The following METTL9 variants were observed in gnomAD, a reference collection of about 807,000 sequenced individuals.
METTL9 encodes methyltransferase 9, His-X-His N1(pi)-histidine, also known as protein-L-histidine N-pros-methyltransferase.
Under a neutral mutation model 36.0 loss-of-function variants are expected in METTL9, and 10 were observed. That is an observed-to-expected ratio of 0.28 (90% CI 0.17 to 0.47). The LOEUF is 0.47. Among genes scored for constraint, METTL9 ranks in the 20% least tolerant of loss-of-function variants. METTL9 has a pLI of 0.99. For missense variants in METTL9, 246 were observed against 383.5 expected, an observed-to-expected ratio of 0.64 and a Z score of 3.00; for synonymous variants, 175 against 149.7, an observed-to-expected ratio of 1.17 and a Z score of -1.23.
chr16:21,623,084 T>A (rs1195045136), intron 3 of METTL9, among the ~76,000 whole-genome samples: 1 of 152,196 alleles, frequency 6.6e-6, no homozygotes, highest in African/African-American at 2.4e-5. Context: ...TTGGAAACTC[T>A]TGGAATGAGC....
At chr16:21,598,303 C>A (rs865917564), upstream of METTL9, among the ~76,000 whole-genome samples, 1 of 146,628 alleles carries the variant, frequency 6.8e-6, no homozygotes, top group African/African-American at 2.5e-5. Flanking sequence ...GAGCCGAGAT[C>A]GAGCCACTGC....
At chr16:21,637,245 T>C (rs1966123186) in intron 4 of METTL9, among the ~76,000 whole-genome samples, 1 of 152,162 alleles carries the variant, frequency 6.6e-6, no homozygotes, top group Non-Finnish European at 1.5e-5. Context: ...CACTGATTCG[T>C]CCGTTTTGAC....
chr16:21,640,681 G>A (rs1037244082), intron 4 of METTL9: 1 of 150,566 alleles, frequency 6.6e-6, no homozygotes, highest in African/African-American at 2.4e-5. Flanking sequence ...GCAGAAGAAT[G>A]GCATGAACCC....
intron 2 of METTL9, among the ~76,000 whole-genome samples, chr16:21,613,279 G>A (rs1249484705): frequency 2.7e-5 from 4 of 148,160 alleles, no homozygotes; most frequent in Non-Finnish European, 5.9e-5. Context: ...CGCCTCCCGG[G>A]TTTAAGTAAT....
intron 1 of METTL9, among the ~76,000 whole-genome samples, chr16:21,601,701 C>T (rs1324864269): frequency 6.6e-6 from 1 of 150,790 alleles, no homozygotes; most frequent in Non-Finnish European, 1.5e-5. Context: ...GTTTCAGATA[C>T]GTTTATTTCA....
intron 4 of METTL9, among the ~76,000 whole-genome samples, chr16:21,647,786 C>T (rs570645525): frequency 1.3e-5 from 2 of 152,226 alleles, no homozygotes; most frequent in Admixed American, 6.5e-5. Flanking sequence ...CCGTATTGGA[C>T]TCAGAAGTTT....
At chr16:21,640,730 G>A (rs1400014879) in intron 4 of METTL9, 2 of 144,226 alleles carry the variant, frequency 1.4e-5, no homozygotes, top group East Asian at 4.0e-4. Flanking sequence ...TTGCACCACT[G>A]CACTCCACCC....
chr16:21,627,316 AGTTGTAGGTG>A, intron 4 of METTL9: 1 of 985,168 alleles, frequency 1.0e-6, no homozygotes. Flanking sequence ...AACTAAAAGT[AGTTGTAGGTG>A]AAATGATTAC....
At chr16:21,619,533 GCCTCAGCCT>G (rs1203061919) in intron 3 of METTL9, among the ~76,000 whole-genome samples, 6 of 150,362 alleles carry the variant, frequency 4.0e-5, no homozygotes, top group Non-Finnish European at 7.4e-5. Context: ...CAATTCTACT[GCCTCAGCCT>G]CCTGAGTAGC....
rs3046231 is a variant in METTL9 at position 21,605,257 on chromosome 16, C to CTTTTTTTTTT, written c.165+5389_165+5398dup. ...GGGGTGGTAAAAATAGGCTTGCCTT[C>CTTTTTTTTTT]TTTTTTTTTTTTTTTTTTTTTTTTT... On this transcript the variant is annotated intron_variant, in intron 1 of 4. Transcript: ENST00000358154. Among the ~76,000 whole-genome samples, 280 of 51,228 alleles carry CTTTTTTTTTT rather than the reference C, an allele frequency of 5.5e-3. 81 individuals carry two copies. The highest frequency in any genetic ancestry group is 7.9e-3 in the Non-Finnish European group (204 of 25,858). The allele number at this position is 51,228 out of a possible 152,430, so 33.6% of individuals were successfully genotyped here.
At chr16:21,649,691 G>A (rs1966518834) in intron 4 of METTL9, among the ~76,000 whole-genome samples, 1 of 152,042 alleles carries the variant, frequency 6.6e-6, no homozygotes, top group Non-Finnish European at 1.5e-5. Context: ...TTAAAAAGTG[G>A]ACGATTCCAT....
intron 4 of METTL9, among the ~76,000 whole-genome samples, chr16:21,634,422 C>T (rs778526526): frequency 1.1e-4 from 17 of 152,138 alleles, no homozygotes; most frequent in African/African-American, 1.2e-4. Flanking sequence ...GATGAGGGGG[C>T]GGCTTATTTC....
At chr16:21,637,858 C>G (rs1597775557) in intron 4 of METTL9, among the ~76,000 whole-genome samples, 1 of 152,376 alleles carries the variant, frequency 6.6e-6, no homozygotes, top group East Asian at 1.9e-4. Context: ...AGAGCGGACA[C>G]CGAGGCCGAG....
chr16:21,645,466 A>T (rs1241496148), intron 4 of METTL9, among the ~76,000 whole-genome samples: 1 of 152,230 alleles, frequency 6.6e-6, no homozygotes, highest in Non-Finnish European at 1.5e-5. Flanking sequence ...TTAAAAAAAA[A>T]GAAAGAAAAA....
chr16:21,641,455 C>T (rs1966266569), intron 4 of METTL9: 6 of 705,320 alleles, frequency 8.5e-6, no homozygotes, highest in African/African-American at 1.9e-5. Context: ...TTTTTAAGAC[C>T]TGATGATATA....
intron 1 of METTL9, among the ~76,000 whole-genome samples, chr16:21,606,197 C>T (rs1440720300): frequency 5.9e-5 from 9 of 152,020 alleles, no homozygotes; most frequent in African/African-American, 1.7e-4. Context: ...ATTAGCTGGG[C>T]GTGGTGGCAC....
chr16:21,615,606 A>C (rs1965536113), intron 2 of METTL9, among the ~76,000 whole-genome samples: 1 of 152,144 alleles, frequency 6.6e-6, no homozygotes, highest in African/African-American at 2.4e-5. Flanking sequence ...CTAGAATTTT[A>C]TAATTATCAT....
intron 4 of METTL9, among the ~76,000 whole-genome samples, chr16:21,634,629 G>A (rs550787931): frequency 1.8e-4 from 27 of 152,136 alleles, no homozygotes; most frequent in Non-Finnish European, 3.5e-4. Flanking sequence ...CACCGAGGTT[G>A]CCAGGTTAAT....
At chr16:21,640,779 A>AC (rs2141608816) in intron 4 of METTL9, 1 of 150,944 alleles carries the variant, frequency 6.6e-6, no homozygotes, top group East Asian at 2.0e-4. Context: ...AAAAAAAAAA[A>AC]AAAGAAAAGA....
Sources: allele counts gnomAD v4.1 joint callset (sites outside exome capture counted in the v4.1 genomes callset), GRCh38; gene constraint gnomAD v4.1.1; transcripts MANE v1.5; gene names NCBI Gene and HGNC (gene_info 2026-07-23, HGNC 2026-07-21).